ENKUR: variants seen among roughly 807,000 people sequenced by gnomAD.
ENKUR encodes the protein enkurin, TRPC channel interacting protein.
A neutral mutation model predicts 27.6 loss-of-function variants in ENKUR; 19 were observed. That is an observed-to-expected ratio of 0.69 (90% CI 0.48 to 1.01). The LOEUF is 1.01. ENKUR is among the 50% of genes least tolerant of loss of function. ENKUR has a pLI of 0.00. For synonymous variants in ENKUR, 117 were observed against 96.9 expected (o/e 1.21, Z -1.22); for missense variants, 312 against 310.5 (o/e 1.00, Z -0.04).
chr10:25,006,044 CTTT>C (rs1445143564), intron 1 of ENKUR, among the ~76,000 whole-genome samples: 1 of 152,142 alleles, frequency 6.6e-6, no homozygotes, highest in African/African-American at 2.4e-5. Context: ...GTTATTTCTA[CTTT>C]TTAAAAGTGA....
chr10:25,051,692 C>T (rs896623006), intron 2 of ENKUR, among the ~76,000 whole-genome samples: 8 of 152,338 alleles, frequency 5.3e-5, no homozygotes, highest in East Asian at 1.9e-4. Flanking sequence ...GCTCCGCCTC[C>T]GGTACTGGGG....
In ENKUR at chr10:25,024,679, G is replaced by A. The variant is rs1289647382; in HGVS notation, c.38-28810C>T. ...TCCGCAGGTAGTTTATCATGCTTCCGCATATCTTGATCTTGTTAGTCAAGG... is the reference window on the plus strand; with the variant it reads ...TCCGCAGGTAGTTTATCATGCTTCCACATATCTTGATCTTGTTAGTCAAGG... On this transcript the variant is annotated intron_variant, in intron 2 of 5. Coordinates refer to the ENKUR transcript ENST00000615958. 7 of 1,614,158 alleles carry A rather than the reference G, an allele frequency of 4.3e-6. No individual in the cohort carries two copies. Among genetic ancestry groups the A allele is most frequent in the East Asian group, 2.2e-5 (1 of 44,878 alleles).
At chr10:25,042,780 A>G (rs1851079101) in intron 2 of ENKUR, among the ~76,000 whole-genome samples, 1 of 152,008 alleles carries the variant, frequency 6.6e-6, no homozygotes, top group Non-Finnish European at 1.5e-5. Context: ...GCTTAAGCCC[A>G]GGAGTTCAAG....
chr10:25,032,727 AT>A (rs987115948), intron 2 of ENKUR, among the ~76,000 whole-genome samples: 6 of 152,078 alleles, frequency 3.9e-5, no homozygotes, highest in African/African-American at 7.2e-5. Context: ...GTAGTAATTT[AT>A]GTGTTTTCTG....
intron 2 of ENKUR, among the ~76,000 whole-genome samples, chr10:25,056,939 A>T (rs529827254): frequency 6.6e-6 from 1 of 152,298 alleles, no homozygotes; most frequent in African/African-American, 2.4e-5. Context: ...TGGAATCAAT[A>T]CCTACTGAGC....
intron 2 of ENKUR, among the ~76,000 whole-genome samples, chr10:25,033,796 AGTAT>A (rs1175109602): frequency 1.3e-5 from 2 of 151,170 alleles, no homozygotes; most frequent in East Asian, 3.9e-4. Context: ...AACTGTGTTT[AGTAT>A]GTATGTATGT....
At chr10:25,018,068 T>C (rs1415687486), upstream of ENKUR, among the ~76,000 whole-genome samples, 1 of 152,222 alleles carries the variant, frequency 6.6e-6, no homozygotes, top group African/African-American at 2.4e-5. Flanking sequence ...CTTGATGTTC[T>C]GGGGTTACTG....
intron 2 of ENKUR, among the ~76,000 whole-genome samples, chr10:24,998,358 C>CCTCTCT (rs34059986): frequency 1.7e-5 from 2 of 117,306 alleles, no homozygotes; most frequent in African/African-American, 6.7e-5. Context: ...TTCCTTCCTT[C>CCTCTCT]CTCTCTCTCT....
At chr10:25,001,440 AT>A (rs909017733) in intron 1 of ENKUR, among the ~76,000 whole-genome samples, 1 of 151,858 alleles carries the variant, frequency 6.6e-6, no homozygotes, top group Non-Finnish European at 1.5e-5. Flanking sequence ...AAATTTGACA[AT>A]TTTTTTACCT....
At chr10:25,016,419 A>C (rs991202966), upstream of ENKUR, among the ~76,000 whole-genome samples, 12 of 152,252 alleles carry the variant, frequency 7.9e-5, no homozygotes, top group African/African-American at 2.9e-4. Context: ...CGCAGGCGTC[A>C]CCCAATAAGG....
intron 2 of ENKUR, chr10:25,023,384 G>T (rs1481690296): frequency 6.2e-7 from 1 of 1,614,004 alleles, no homozygotes; most frequent in Non-Finnish European, 8.5e-7. Context: ...TCTCTTGTTG[G>T]AGACAAAAAT....
intron 2 of ENKUR, chr10:25,021,967 TTAAG>T (rs1850727917): frequency 1.3e-5 from 2 of 152,180 alleles, no homozygotes; most frequent in South Asian, 2.1e-4. Flanking sequence ...AGAACAGAGT[TTAAG>T]TAGCATAGAA....
At chr10:25,046,674 T>C (rs1483933259) in intron 2 of ENKUR, among the ~76,000 whole-genome samples, 1 of 152,194 alleles carries the variant, frequency 6.6e-6, no homozygotes, top group Non-Finnish European at 1.5e-5. Flanking sequence ...AGCTCTATAA[T>C]TTTTCACTTT....
At chr10:25,018,154 C>T (rs911178355), upstream of ENKUR, among the ~76,000 whole-genome samples, 5 of 152,206 alleles carry the variant, frequency 3.3e-5, no homozygotes, top group African/African-American at 4.8e-5. Context: ...CAAGACCTCA[C>T]TGTGGTATAG....
chr10:25,055,370 A>G (rs1238586468), intron 2 of ENKUR, among the ~76,000 whole-genome samples: 2 of 152,012 alleles, frequency 1.3e-5, no homozygotes, highest in Non-Finnish European at 2.9e-5. Context: ...CTTCACTGGT[A>G]TTATGCACCT....
At chr10:25,001,363 C>G (rs1368837070) in intron 1 of ENKUR, among the ~76,000 whole-genome samples, 2 of 150,512 alleles carry the variant, frequency 1.3e-5, no homozygotes, top group South Asian at 4.2e-4. Context: ...GGTAATGTCT[C>G]TTGGTATTCT....
At chr10:25,017,493 G>C (rs1048394308), upstream of ENKUR, among the ~76,000 whole-genome samples, 1 of 152,102 alleles carries the variant, frequency 6.6e-6, no homozygotes. Context: ...TTGGCTGGCG[G>C]AGTGATTAAA....
At chr10:25,009,810 TCTC>T (rs1249764378) in intron 1 of ENKUR, among the ~76,000 whole-genome samples, 1 of 152,070 alleles carries the variant, frequency 6.6e-6, no homozygotes, top group Non-Finnish European at 1.5e-5. Flanking sequence ...CTGCACACAC[TCTC>T]GTTTCCCACT....
rs150948274 is a variant in ENKUR, at chr10:24,996,436, A to ATGTG, written c.224-571_224-568dup. ...GACTCTGTCTCAAAAAAGATCATAT[A>ATGTG]TGTGTGTGTGTGTGTGTGTGTATAT... On this transcript the variant is annotated intron_variant, in intron 2 of 5. Transcript: ENST00000331161. Among the ~76,000 whole-genome samples, 517 of 148,608 alleles carry ATGTG rather than the reference A, an allele frequency of 3.5e-3. 2 individuals carry two copies. The highest frequency in any genetic ancestry group is 8.0e-3 in the African/African-American group (321 of 39,892).
Sources: gnomAD v4.1 joint callset for allele counts (sites outside exome capture counted in the v4.1 genomes callset) on GRCh38, gnomAD v4.1.1 for gene constraint, MANE v1.5 for transcripts, NCBI Gene and HGNC (gene_info 2026-07-23, HGNC 2026-07-21) for gene names.